The following KCND3 variants were observed in gnomAD, a reference collection of about 807,000 sequenced individuals.
The protein encoded by KCND3 is A-type voltage-gated potassium channel KCND3.
Under a neutral mutation model 51.1 loss-of-function variants are expected in KCND3, and 9 were observed. The ratio of observed to expected loss-of-function variants is 0.18; its 90% CI spans 0.11 to 0.31. The LOEUF (loss-of-function observed/expected upper bound fraction) is 0.31, where lower values mean the gene tolerates loss of function less well. KCND3 is among the 10% of genes least tolerant of loss of function. KCND3 has a pLI of 1.00. For missense variants in KCND3, 526 were observed against 903.8 expected (o/e 0.58, Z 5.36); for synonymous variants, 349 against 368.0 (o/e 0.95, Z 0.59).
At chr1:111,866,579 A>ACACACACAC (rs1668581640) in intron 2 of KCND3, among the ~76,000 whole-genome samples, 2 of 126,746 alleles carry the variant, frequency 1.6e-5, no homozygotes, top group African/African-American at 3.1e-5. Context: ...TGTTTCTTTA[A>ACACACACAC]ACACACACAC....
intron 2 of KCND3, among the ~76,000 whole-genome samples, chr1:111,912,853 G>A (rs541935630): frequency 1.3e-5 from 2 of 152,274 alleles, no homozygotes; most frequent in South Asian, 4.1e-4. Flanking sequence ...GCTATTACTG[G>A]AAGAGTCAAA....
At chr1:111,805,475 C>A (rs1665523050) in intron 2 of KCND3, among the ~76,000 whole-genome samples, 1 of 152,202 alleles carries the variant, frequency 6.6e-6, no homozygotes, top group Admixed American at 6.5e-5. Context: ...CTTCCTGAGC[C>A]CCTCACAGTC....
intron 2 of KCND3, among the ~76,000 whole-genome samples, chr1:111,978,005 T>C (rs983694760): frequency 6.6e-6 from 1 of 152,208 alleles, no homozygotes; most frequent in African/African-American, 2.4e-5. Context: ...AAGGGAAACC[T>C]GGGCAAAGCA....
At chr1:111,788,295 C>T (rs749447052) in intron 2 of KCND3, among the ~76,000 whole-genome samples, 8 of 152,242 alleles carry the variant, frequency 5.3e-5, no homozygotes, top group Non-Finnish European at 8.8e-5. Context: ...GCCTCTGTGC[C>T]CTCTGGGTGT....
chr1:111,892,077 T>G (rs1669856047), intron 2 of KCND3, among the ~76,000 whole-genome samples: 1 of 152,140 alleles, frequency 6.6e-6, no homozygotes, highest in Non-Finnish European at 1.5e-5. Flanking sequence ...TTCAGGGTCT[T>G]GCAGACTTGG....
chr1:111,958,864 G>A (rs1673480653), intron 2 of KCND3, among the ~76,000 whole-genome samples: 1 of 152,204 alleles, frequency 6.6e-6, no homozygotes, highest in South Asian at 2.1e-4. Context: ...GGGTGGTGGT[G>A]GGGGAACAAA....
At chr1:111,809,371 C>T (rs1038076948) in intron 2 of KCND3, among the ~76,000 whole-genome samples, 11 of 151,594 alleles carry the variant, frequency 7.3e-5, no homozygotes, top group African/African-American at 1.5e-4. Context: ...TTCAGTGGCG[C>T]GATCTTGGCT....
Position 111,780,915 on chromosome 1 carries a change from T to G in KCND3, c.1270-124A>C. On this transcript the variant is annotated intron_variant, in intron 3 of 7. Transcript: ENST00000302127. The surrounding 1 kb of genome is among the most constrained non-coding windows in gnomAD (Gnocchi z 4.2). ...GATGAAGGGGATGAGGCTGTTTCTC[T>G]CCAACCTCATGCATCTCCAGTTGTG... is the stretch of plus-strand genomic sequence containing the variant. The G allele has an allele frequency of 1.3e-6, 1 of 778,470 alleles. No homozygotes were observed. Among genetic ancestry groups the G allele is most frequent in the Non-Finnish European group, 2.2e-6 (1 of 454,862 alleles). 48.2% of individuals were successfully genotyped at this position (778,470 alleles called of 1,614,324 possible).
At chr1:111,800,882 T>G (rs564090472) in intron 2 of KCND3, among the ~76,000 whole-genome samples, 1 of 152,362 alleles carries the variant, frequency 6.6e-6, no homozygotes, top group South Asian at 2.1e-4. Flanking sequence ...GACTTGGCCT[T>G]GCTCAGTCCA....
At chr1:111,826,851 G>C (rs1346150861) in intron 2 of KCND3, among the ~76,000 whole-genome samples, 3 of 152,152 alleles carry the variant, frequency 2.0e-5, no homozygotes, top group Non-Finnish European at 2.9e-5. Context: ...TAATTACCTG[G>C]TTTAATCTCC....
At chr1:111,976,670 C>T (rs1436690084) in intron 2 of KCND3, among the ~76,000 whole-genome samples, 1 of 152,174 alleles carries the variant, frequency 6.6e-6, no homozygotes, top group Non-Finnish European at 1.5e-5. Context: ...AATGAAAGGG[C>T]TACAAGAGGA....
At chr1:111,808,533 A>G (rs567102810) in intron 2 of KCND3, among the ~76,000 whole-genome samples, 68 of 152,380 alleles carry the variant, frequency 4.5e-4, no homozygotes, top group African/African-American at 1.6e-3. Flanking sequence ...ATTCCAAAAT[A>G]TGGTCTGCTT....
chr1:111,910,819 G>A (rs1670907314), intron 2 of KCND3: 1 of 152,282 alleles, frequency 6.6e-6, no homozygotes, highest in South Asian at 2.1e-4. Flanking sequence ...TACCCAGGCC[G>A]AGCCAGACCT....
chr1:111,845,635 G>A (rs947159113), intron 2 of KCND3, among the ~76,000 whole-genome samples: 3 of 152,148 alleles, frequency 2.0e-5, no homozygotes, highest in African/African-American at 7.2e-5. Flanking sequence ...TGAGCCACGT[G>A]TGGTTCCAAT....
At chr1:111,790,080 C>A (rs1664764353) in intron 2 of KCND3, among the ~76,000 whole-genome samples, 1 of 152,192 alleles carries the variant, frequency 6.6e-6, no homozygotes, top group Admixed American at 6.5e-5. Flanking sequence ...CAAGTTAGGT[C>A]TCCAGTGGTA....
In KCND3 at chr1:111,797,312, A is replaced by G. The variant is rs1219214846; in HGVS notation, c.1107-10206T>C. On this transcript the variant is annotated intron_variant, in intron 2 of 7. Coordinates refer to ENST00000302127, the MANE Select transcript of KCND3 (RefSeq NM_001378969.1). Reference sequence around the variant, plus strand: ...TCAGACCAGTCATGCGTACATGAGGAAACAGACAAAGTCAGACATCGGGTG... The same window carrying G: ...TCAGACCAGTCATGCGTACATGAGGGAACAGACAAAGTCAGACATCGGGTG... Among the ~76,000 whole-genome samples, 4 of 152,244 alleles carry G rather than the reference A, an allele frequency of 2.6e-5. 1 individual carries two copies. In the East Asian group the frequency reaches 7.7e-4, roughly 29 times the overall value.
At chr1:111,887,895 A>C (rs1466442632) in intron 2 of KCND3, among the ~76,000 whole-genome samples, 1 of 152,242 alleles carries the variant, frequency 6.6e-6, no homozygotes, top group Non-Finnish European at 1.5e-5. Context: ...TTAACATGAT[A>C]TCTTGAACAA....
intron 2 of KCND3, among the ~76,000 whole-genome samples, chr1:111,834,027 G>A (rs1666968391): frequency 1.3e-5 from 2 of 152,232 alleles, no homozygotes; most frequent in Admixed American, 6.5e-5. Flanking sequence ...TGATAAGCTG[G>A]GAAGTAAAAC....
chr1:111,802,977 C>T (rs566195865), intron 2 of KCND3, among the ~76,000 whole-genome samples: 50 of 152,348 alleles, frequency 3.3e-4, no homozygotes, highest in Non-Finnish European at 3.7e-4. Flanking sequence ...GCGTGCTGTA[C>T]ACTGGCTCAC....
Sources: allele counts gnomAD v4.1 joint callset (sites outside exome capture counted in the v4.1 genomes callset), GRCh38; gene constraint gnomAD v4.1.1; non-coding constraint Gnocchi (gnomAD v3.1); transcripts MANE v1.5; gene names NCBI Gene and HGNC (gene_info 2026-07-23, HGNC 2026-07-21).